Variants in LXN observed in about 807,000 individuals in gnomAD.
LXN encodes latexin.
Under a neutral mutation model 29.8 loss-of-function variants are expected in LXN, and 28 were observed. The ratio of observed to expected loss-of-function variants is 0.94; its 90% CI spans 0.70 to 1.29. The LOEUF (loss-of-function observed/expected upper bound fraction) is 1.29, where lower values mean the gene tolerates loss of function less well. LXN is among the 50% of genes most tolerant of loss of function. LXN has a pLI of 0.00. For synonymous variants in LXN, 77 were observed against 89.6 expected (o/e 0.86, Z 0.80); for missense variants, 227 against 261.7 (o/e 0.87, Z 0.92).
At chr3:158,667,732 G>A (rs915991631) in intron 4 of LXN, among the ~76,000 whole-genome samples, 1 of 152,138 alleles carries the variant, frequency 6.6e-6, no homozygotes, top group Admixed American at 6.5e-5. Flanking sequence ...AGGCTGCAGC[G>A]AGCCATGATC....
At chr3:158,669,202 TA>T in intron 3 of LXN, 70 bp from the exon 4 acceptor site, 1 of 1,439,424 alleles carries the variant, frequency 6.9e-7, no homozygotes, top group South Asian at 1.3e-5. Flanking sequence ...ATCTAAATTC[TA>T]AATCATGTCT....
At chr3:158,669,733 G>C (rs994416504) in intron 2 of LXN, 123 bp from the exon 3 acceptor site, 31 of 927,614 alleles carry the variant, frequency 3.3e-5, no homozygotes, top group Non-Finnish European at 4.7e-5. Context: ...ACTTCAAAGT[G>C]CTTGTTTTCA....
intron 4 of LXN, among the ~76,000 whole-genome samples, chr3:158,667,918 G>A (rs1026621099): frequency 1.3e-5 from 2 of 152,196 alleles, no homozygotes; most frequent in Admixed American, 6.5e-5. Context: ...GATAGTTTCA[G>A]TATGGCATGA....
intron 4 of LXN, among the ~76,000 whole-genome samples, chr3:158,667,926 T>G (rs146277702): frequency 2.6e-4 from 39 of 152,362 alleles, no homozygotes; most frequent in African/African-American, 9.4e-4. Context: ...CAGTATGGCA[T>G]GACTATAGTA....
rs371985376 is a variant in LXN, at chr3:158,669,060, A to G, written c.443T>C (p.Ile148Thr). ...TGTGTCTTCAGTAGAATTTTGCCATATTATATAACCACAGGCAACCCAGGC... is the reference window on the plus strand; with the variant it reads ...TGTGTCTTCAGTAGAATTTTGCCATGTTATATAACCACAGGCAACCCAGGC... ...HLAWVACGYI[I>T]WQNSTEDTWY... Residue 148 changes from isoleucine to threonine, a missense_variant, in exon 4 of 6, where the codon ATA becomes ACA. Coordinates refer to ENST00000264265, the MANE Select transcript of LXN (RefSeq NM_020169.4). 58 of 1,613,590 alleles carry G rather than the reference A, an allele frequency of 3.6e-5. No individual in the cohort carries two copies. Among genetic ancestry groups the G allele is most frequent in the Non-Finnish European group, 4.8e-5 (57 of 1,179,812 alleles).
In LXN at chr3:158,666,612, G is replaced by T; in HGVS notation, c.*34C>A. The T allele has an allele frequency of 6.4e-7, 1 of 1,563,820 alleles. No homozygotes were observed. Among genetic ancestry groups the T allele is most frequent in the Non-Finnish European group, 8.8e-7 (1 of 1,135,204 alleles). ...AGTGAAATTGGCATACACATCAATA[G>T]ACATGTTTACACTTCCAGTGTTAGG... On this transcript the variant is annotated 3_prime_UTR_variant, in exon 6 of 6. Coordinates refer to ENST00000264265, the MANE Select transcript of LXN (RefSeq NM_020169.4).
rs150659006 is a variant in LXN at position 158,667,022 on chromosome 3, A to G, written c.560T>C (p.Ile187Thr). 8.1e-4 allele frequency: 1,297 copies of G among 1,596,890 alleles called. No individual in the cohort carries two copies. Among genetic ancestry groups the G allele is most frequent in the Non-Finnish European group, 1.0e-3 (1,220 of 1,174,474 alleles). The change falls in exon 5 of 6, where the codon ATA becomes ACA. Residue 187 changes from isoleucine to threonine, a missense_variant. By Grantham distance (89) the Ile-to-Thr change is moderately conservative. Transcript: ENST00000264265. ...TAAATTATACTTTACCTGAGATGCT[A>G]TATTATGAAGTAGAATGGTGTAGTC... ...ELDYTILLHN[I>T]ASQEIIPWQM...
chr3:158,668,108 A>G (rs1203619115), intron 4 of LXN, among the ~76,000 whole-genome samples: 1 of 152,184 alleles, frequency 6.6e-6, no homozygotes, highest in African/African-American at 2.4e-5. Flanking sequence ...AAAGGTGAGG[A>G]GAGTCATTAC....
Position 158,672,547 on chromosome 3 carries a change from C to T in LXN, c.-69G>A. On this transcript the variant is annotated 5_prime_UTR_variant, in exon 1 of 6. Transcript: ENST00000264265. ...ACGGGACCAGTAGCAGAGCGCCGCC[C>T]GTCCTGCTTGCTGCTGGGTCCGGTT... The T allele has an allele frequency of 6.3e-7, 1 of 1,589,514 alleles. No homozygotes were observed. Among genetic ancestry groups the T allele is most frequent in the Non-Finnish European group, 8.6e-7 (1 of 1,164,550 alleles).
At chr3:158,671,709 G>A (rs376149454) in intron 1 of LXN, among the ~76,000 whole-genome samples, 1 of 152,252 alleles carries the variant, frequency 6.6e-6, no homozygotes, top group Non-Finnish European at 1.5e-5. Context: ...GTAGATTTTC[G>A]TAAAATGAAA....
chr3:158,670,822 A>G (rs1036575518), intron 2 of LXN, 135 bp downstream of exon 2: 4 of 1,226,344 alleles, frequency 3.3e-6, no homozygotes, highest in Non-Finnish European at 4.1e-6. Flanking sequence ...GGTCCCAGCT[A>G]TTTGGGGAGG....
In LXN at chr3:158,668,993, T is replaced by TA. The variant is rs754819499; in HGVS notation, c.507+2dup. ...AATAGTGTATTTTATAGAAACTACT[T>TA]ACCACTTGCTTGACAGTTTGAATTT... On this transcript the variant is annotated splice_region_variant and intron_variant, in intron 4 of 5. Transcript: ENST00000264265. 1.2e-5 allele frequency: 19 copies of TA among 1,605,922 alleles called. No homozygotes were observed. Among genetic ancestry groups the TA allele is most frequent in the African/African-American group, 2.7e-5 (2 of 74,520 alleles).
At chr3:158,670,875 A>C in intron 2 of LXN, 82 bp downstream of exon 2, 8 of 1,348,776 alleles carry the variant, frequency 5.9e-6, no homozygotes, top group Non-Finnish European at 7.7e-6. Context: ...TTGAGGCTGC[A>C]GTGAGCCATG....
rs1247223762 is a variant in LXN at position 158,666,614 on chromosome 3, C to T, written c.*32G>A. The T allele has an allele frequency of 1.2e-5, 18 of 1,565,150 alleles. No homozygotes were observed. The highest frequency in any genetic ancestry group is 1.6e-5 in the Non-Finnish European group (18 of 1,136,394). On this transcript the variant is annotated 3_prime_UTR_variant, in exon 6 of 6. Coordinates refer to ENST00000264265, the MANE Select transcript of LXN (RefSeq NM_020169.4). ...TGAAATTGGCATACACATCAATAGA[C>T]ATGTTTACACTTCCAGTGTTAGGGT...
Position 158,667,034 on chromosome 3 carries a change from A to G in LXN, c.548T>C (p.Leu183Pro). Residue 183 changes from leucine to proline, a missense_variant, in exon 5 of 6, where the codon CTA becomes CCA. By Grantham distance (98) the Leu-to-Pro change is moderately conservative. Coordinates refer to ENST00000264265, the MANE Select transcript of LXN (RefSeq NM_020169.4). ...TACCTGAGATGCTATATTATGAAGT[A>G]GAATGGTGTAGTCTAATTCAATAAA... ...DDFIELDYTI[L>P]LHNIASQEII... The G allele has an allele frequency of 1.3e-6, 2 of 1,598,178 alleles. No individual in the cohort carries two copies. Among genetic ancestry groups the G allele is most frequent in the Non-Finnish European group, 1.7e-6 (2 of 1,175,042 alleles).
intron 2 of LXN, among the ~76,000 whole-genome samples, 177 bp from the exon 3 acceptor site, chr3:158,669,787 A>C (rs1576763979): frequency 6.6e-6 from 1 of 152,342 alleles, no homozygotes; most frequent in African/African-American, 2.4e-5. Context: ...TAGACTTATC[A>C]TGTGAATACC....
At position 158,672,635 on chromosome 3, in the gene LXN, G is replaced by T; in HGVS notation, c.-157C>A. 1.2e-6 allele frequency: 1 copy of T among 842,612 alleles called. No homozygotes were observed. Among genetic ancestry groups the T allele is most frequent in the Non-Finnish European group, 1.8e-6 (1 of 562,174 alleles). 52.2% of individuals were successfully genotyped at this position (842,612 alleles called of 1,614,324 possible). A position where few individuals can be genotyped will look rare whatever the true frequency, so the allele number is the denominator to read the frequency against. ...TTCTTCCTCAGCTCCTTCCGACTCC[G>T]GAAGCTGCTGTTTGGGCCCAGGCTC... On this transcript the variant is annotated 5_prime_UTR_variant, in exon 1 of 6. Transcript: ENST00000264265.
chr3:158,672,285 C>T, intron 1 of LXN, 65 bp downstream of exon 1: 2 of 1,592,578 alleles, frequency 1.3e-6, no homozygotes, highest in Non-Finnish European at 1.7e-6. Flanking sequence ...AGGCTGAGAC[C>T]GCGGGTGAGT....
chr3:158,670,510 G>T (rs1724177730), intron 2 of LXN, among the ~76,000 whole-genome samples: 1 of 152,112 alleles, frequency 6.6e-6, no homozygotes, highest in Non-Finnish European at 1.5e-5. Flanking sequence ...GTGTAGTTTG[G>T]TAGAAATAAT....
Sources: allele counts gnomAD v4.1 joint callset (sites outside exome capture counted in the v4.1 genomes callset), GRCh38; gene constraint gnomAD v4.1.1; transcripts MANE v1.5; gene names NCBI Gene and HGNC (gene_info 2026-07-23, HGNC 2026-07-21).